The following ROBO2 variants were observed in gnomAD, a reference collection of about 807,000 sequenced individuals.
The protein encoded by ROBO2 is roundabout guidance receptor 2, also known as roundabout homolog 2.
In ROBO2, 53 loss-of-function variants were observed where a neutral mutation model predicts 160.8. That is an observed-to-expected ratio of 0.33 (90% CI 0.26 to 0.41). ROBO2 has a LOEUF of 0.41. ROBO2 is among the 10% of genes least tolerant of loss of function. The probability of loss-of-function intolerance (pLI) is 1.00; values close to 1 mark genes in which losing one functional copy is unlikely to be tolerated. For synonymous variants in ROBO2, 664 were observed against 611.7 expected (o/e 1.09, Z -1.26); for missense variants, 1,577 against 1,722.4 (o/e 0.92, Z 1.49).
intron 2 of ROBO2, among the ~76,000 whole-genome samples, chr3:76,860,389 C>A (rs183517689): frequency 6.6e-6 from 1 of 152,294 alleles, no homozygotes; most frequent in African/African-American, 2.4e-5. Context: ...AAGATGAGTT[C>A]CCTCAGCTGA....
At chr3:76,915,666 G>T (rs1268917369) in intron 2 of ROBO2, among the ~76,000 whole-genome samples, 1 of 116,518 alleles carries the variant, frequency 8.6e-6, no homozygotes, top group African/African-American at 3.6e-5. Flanking sequence ...TGAAACTCTC[G>T]CTCTCAAAAA....
intron 2 of ROBO2, among the ~76,000 whole-genome samples, chr3:77,145,596 AGAACTAT>A (rs2077056448): frequency 6.6e-6 from 1 of 152,212 alleles, no homozygotes; most frequent in African/African-American, 2.4e-5. Context: ...AGCAAACTAT[AGAACTAT>A]GATGGATCTA....
exon 15 of ROBO2, chr3:77,577,499 C>G (rs750635483): frequency 1.2e-6 from 2 of 1,613,272 alleles, no homozygotes; most frequent in East Asian, 2.2e-5. Context: ...GCCCCAAGTG[C>G]CCCACCACAG....
intron 2 of ROBO2, among the ~76,000 whole-genome samples, chr3:76,828,387 A>G (rs142345811): frequency 6.6e-6 from 1 of 152,224 alleles, no homozygotes; most frequent in Non-Finnish European, 1.5e-5. Context: ...TACTCTCCCA[A>G]CTAAACACAC....
chr3:76,418,312 C>T (rs914522563), intron 2 of ROBO2, among the ~76,000 whole-genome samples: 1 of 95,136 alleles, frequency 1.1e-5, no homozygotes, highest in Non-Finnish European at 2.1e-5. Context: ...GATGCGATCT[C>T]GGCTCACTAC....
intron 2 of ROBO2, among the ~76,000 whole-genome samples, chr3:77,407,028 G>C (rs1000763791): frequency 6.6e-6 from 1 of 152,058 alleles, no homozygotes; most frequent in African/African-American, 2.4e-5. Context: ...GTCTTGCTAT[G>C]TTTCCCAGGC....
intron 2 of ROBO2, among the ~76,000 whole-genome samples, chr3:76,280,139 C>T (rs556629760): frequency 1.9e-4 from 29 of 152,042 alleles, no homozygotes; most frequent in African/African-American, 6.5e-4. Context: ...CCTGAAAAGT[C>T]GGCAATTTCT....
chr3:76,882,631 T>G (rs557185291), intron 2 of ROBO2, among the ~76,000 whole-genome samples: 42 of 152,266 alleles, frequency 2.8e-4, no homozygotes, highest in African/African-American at 9.4e-4. Flanking sequence ...AAAATAAAAT[T>G]AGCAAAACAT....
intron 2 of ROBO2, among the ~76,000 whole-genome samples, chr3:76,628,305 A>G (rs1023769145): frequency 1.3e-5 from 2 of 151,984 alleles, no homozygotes; most frequent in Non-Finnish European, 2.9e-5. Flanking sequence ...GCTGGAGTAC[A>G]GTGGCACGAT....
intron 2 of ROBO2, among the ~76,000 whole-genome samples, chr3:76,901,058 T>C (rs1192745721): frequency 1.3e-5 from 2 of 152,168 alleles, no homozygotes; most frequent in African/African-American, 4.8e-5. Context: ...TCTCACTTAA[T>C]GAGACCCTGA....
intron 2 of ROBO2, among the ~76,000 whole-genome samples, chr3:76,633,924 C>T (rs753168232): frequency 6.6e-6 from 1 of 152,194 alleles, no homozygotes. Context: ...AGAGTCAACT[C>T]ATCACTGGTT....
chr3:76,949,854 G>C (rs766442445), intron 2 of ROBO2, among the ~76,000 whole-genome samples: 1 of 152,162 alleles, frequency 6.6e-6, no homozygotes, highest in Non-Finnish European at 1.5e-5. Context: ...TCCAGTCTGG[G>C]CAACAAATCA....
intron 2 of ROBO2, among the ~76,000 whole-genome samples, chr3:77,307,407 A>G (rs1358050245): frequency 6.6e-6 from 1 of 152,172 alleles, no homozygotes; most frequent in East Asian, 1.9e-4. Context: ...CAAACATAAA[A>G]GCATACAGGG....
chr3:77,427,311 A>T (rs2078306639), intron 2 of ROBO2, among the ~76,000 whole-genome samples: 1 of 152,208 alleles, frequency 6.6e-6, no homozygotes, highest in African/African-American at 2.4e-5. Context: ...TTTATTTATG[A>T]TGTGCTAGTC....
intron 2 of ROBO2, among the ~76,000 whole-genome samples, chr3:76,950,378 G>A (rs1485024877): frequency 6.6e-6 from 1 of 152,108 alleles, no homozygotes; most frequent in African/African-American, 2.4e-5. Flanking sequence ...CATTTTGTAA[G>A]CCTCAATTCA....
chr3:77,368,858 A>G (rs549726725), intron 2 of ROBO2, among the ~76,000 whole-genome samples: 18 of 152,302 alleles, frequency 1.2e-4, no homozygotes, highest in East Asian at 1.2e-3. Flanking sequence ...CTTTTATTTG[A>G]CAAAATTCAT....
intron 2 of ROBO2, among the ~76,000 whole-genome samples, chr3:76,293,944 G>T (rs1014005510): frequency 6.6e-5 from 10 of 152,218 alleles, no homozygotes; most frequent in African/African-American, 2.2e-4. Context: ...TGCTGAGGGG[G>T]TGCCTGCAGG....
chr3:77,576,508 C>T (rs890603399), intron 14 of ROBO2, among the ~76,000 whole-genome samples: 1 of 152,086 alleles, frequency 6.6e-6, no homozygotes, highest in African/African-American at 2.4e-5. Flanking sequence ...TAACTACCCC[C>T]ACCTTTGATT....
intron 2 of ROBO2, among the ~76,000 whole-genome samples, chr3:77,310,003 C>T (rs2063406389): frequency 1.3e-5 from 2 of 152,006 alleles, no homozygotes; most frequent in Admixed American, 1.3e-4. Context: ...CTCTTTTTTC[C>T]ATTAAAAAAG....
Sources: allele counts gnomAD v4.1 joint callset (sites outside exome capture counted in the v4.1 genomes callset), GRCh38; gene constraint gnomAD v4.1.1; transcripts MANE v1.5; gene names NCBI Gene and HGNC (gene_info 2026-07-23, HGNC 2026-07-21).